Variants in PHACTR3 observed in about 807,000 individuals in gnomAD.
The protein encoded by PHACTR3 is protein phosphatase 1, regulatory subunit 123.
In PHACTR3, 16 loss-of-function variants were observed where a neutral mutation model predicts 66.8. The ratio of observed to expected loss-of-function variants is 0.24; its 90% CI spans 0.16 to 0.36. PHACTR3 has a LOEUF of 0.36. Among genes scored for constraint, PHACTR3 ranks in the 10% least tolerant of loss-of-function variants. The pLI is 1.00. For synonymous variants in PHACTR3, 323 were observed against 292.1 expected, an observed-to-expected ratio of 1.11 and a Z score of -1.08; for missense variants, 647 against 719.9, an observed-to-expected ratio of 0.90 and a Z score of 1.16.
chr20:59,791,651 A>G (rs548739674), intron 7 of PHACTR3, among the ~76,000 whole-genome samples: 3 of 150,634 alleles, frequency 2.0e-5, no homozygotes, highest in Admixed American at 2.0e-4. Flanking sequence ...GGTTTGTTAC[A>G]TATGTGTACA....
At chr20:59,733,439 C>T (rs2038839698) in intron 1 of PHACTR3, among the ~76,000 whole-genome samples, 1 of 152,198 alleles carries the variant, frequency 6.6e-6, no homozygotes, top group Non-Finnish European at 1.5e-5. Context: ...AGCCTGGCCA[C>T]AGGCAATTGG....
intron 7 of PHACTR3, among the ~76,000 whole-genome samples, chr20:59,804,943 A>G (rs2146994112): frequency 6.6e-6 from 1 of 152,320 alleles, no homozygotes; most frequent in South Asian, 2.1e-4. Context: ...ATCATATTGG[A>G]TAACAACTTG....
At chr20:59,760,564 C>T (rs896428467) in intron 4 of PHACTR3, among the ~76,000 whole-genome samples, 1 of 152,146 alleles carries the variant, frequency 6.6e-6, no homozygotes, top group African/African-American at 2.4e-5. Context: ...TTTTGTCTGC[C>T]ACCATGTAAG....
At chr20:59,785,155 G>A (rs2040863520) in intron 7 of PHACTR3, among the ~76,000 whole-genome samples, 1 of 152,242 alleles carries the variant, frequency 6.6e-6, no homozygotes, top group Non-Finnish European at 1.5e-5. Context: ...TGAAACGACA[G>A]ACGTTTGTTT....
chr20:59,812,467 C>T (rs950230089), intron 8 of PHACTR3, among the ~76,000 whole-genome samples: 28 of 152,194 alleles, frequency 1.8e-4, no homozygotes, highest in African/African-American at 6.0e-4. Context: ...CAGCGTGCAG[C>T]GAGTTTAGAC....
At chr20:59,589,713 A>G (rs1450560511) in intron 1 of PHACTR3, among the ~76,000 whole-genome samples, 1 of 152,254 alleles carries the variant, frequency 6.6e-6, no homozygotes, top group Non-Finnish European at 1.5e-5. Context: ...AAACGTCCAC[A>G]TTGAACTGGC....
upstream of PHACTR3, among the ~76,000 whole-genome samples, chr20:59,601,592 A>C (rs946361546): frequency 4.6e-5 from 7 of 152,210 alleles, no homozygotes; most frequent in Non-Finnish European, 1.0e-4. Flanking sequence ...AGATCCTCAC[A>C]GGGCTCAAGC....
At chr20:59,655,915 G>A (rs1445944963) in intron 1 of PHACTR3, among the ~76,000 whole-genome samples, 1 of 151,594 alleles carries the variant, frequency 6.6e-6, no homozygotes, top group Non-Finnish European at 1.5e-5. Context: ...TGGTTATTTA[G>A]GGCCATATTG....
upstream of PHACTR3, among the ~76,000 whole-genome samples, chr20:59,601,880 A>G (rs917818366): frequency 2.0e-5 from 3 of 152,230 alleles, no homozygotes; most frequent in Admixed American, 1.3e-4. Flanking sequence ...TCCCCACTCC[A>G]TGTGGGCTCC....
chr20:59,671,287 A>C (rs1013074659), intron 1 of PHACTR3, among the ~76,000 whole-genome samples: 2 of 152,198 alleles, frequency 1.3e-5, no homozygotes, highest in African/African-American at 2.4e-5. Flanking sequence ...GTGCGGCTCC[A>C]TGCTGGGTGA....
intron 1 of PHACTR3, among the ~76,000 whole-genome samples, chr20:59,622,992 A>AAAAAAAAAAAAAAC (rs1371507011): frequency 6.9e-6 from 1 of 145,170 alleles, no homozygotes. Context: ...AAAAAAAAAA[A>AAAAAAAAAAAAAAC]AAAAAAAAAC....
At chr20:59,592,693 A>G (rs557726506) in intron 1 of PHACTR3, among the ~76,000 whole-genome samples, 2 of 152,044 alleles carry the variant, frequency 1.3e-5, no homozygotes, top group South Asian at 2.1e-4. Flanking sequence ...TCATCTTTTT[A>G]TTGTCTCCAT....
chr20:59,638,427 A>G (rs903176559), intron 1 of PHACTR3, among the ~76,000 whole-genome samples: 2 of 146,124 alleles, frequency 1.4e-5, no homozygotes, highest in South Asian at 4.4e-4. Context: ...TGAATGGATG[A>G]TGGATGATGG....
intron 1 of PHACTR3, among the ~76,000 whole-genome samples, chr20:59,655,611 A>T (rs2035594880): frequency 6.6e-6 from 1 of 151,674 alleles, no homozygotes; most frequent in South Asian, 2.1e-4. Flanking sequence ...TCTTTATTTT[A>T]TTGATTTTCT....
chr20:59,641,324 C>T (rs2035096334), intron 1 of PHACTR3, among the ~76,000 whole-genome samples: 1 of 151,884 alleles, frequency 6.6e-6, no homozygotes, highest in Admixed American at 6.6e-5. Context: ...AGGAATTGGC[C>T]TATGTGTTGT....
rs544208452 is a variant in PHACTR3 at position 59,704,692 on chromosome 20, G to A, written c.119-38415G>A. Among the ~76,000 whole-genome samples the A allele has an allele frequency of 7.5e-5, 11 of 146,118 alleles. No homozygotes were observed. The South Asian group carries it at 2.4e-3, about 32-fold the overall frequency. On this transcript the variant is annotated intron_variant, in intron 1 of 12. Coordinates refer to ENST00000371015, the MANE Select transcript of PHACTR3 (RefSeq NM_080672.5). Reference sequence around the variant, plus strand: ...TTGTCTGGATCTGCCATGTCTTCATGTTAACTGTTTTGATAACTACAGCTT... The same window carrying A: ...TTGTCTGGATCTGCCATGTCTTCATATTAACTGTTTTGATAACTACAGCTT...
intron 1 of PHACTR3, among the ~76,000 whole-genome samples, chr20:59,675,557 G>C (rs2036425252): frequency 6.6e-6 from 1 of 152,192 alleles, no homozygotes; most frequent in Non-Finnish European, 1.5e-5. Flanking sequence ...GATGGTTATG[G>C]AGTAGGGGTC....
chr20:59,632,832 A>ACC (rs2034715310), intron 1 of PHACTR3, among the ~76,000 whole-genome samples: 1 of 152,162 alleles, frequency 6.6e-6, no homozygotes, highest in Non-Finnish European at 1.5e-5. Context: ...CTTTAAGTGC[A>ACC]TGCCCAGTCC....
At chr20:59,749,550 G>A (rs1231588719) in intron 3 of PHACTR3, among the ~76,000 whole-genome samples, 3 of 152,184 alleles carry the variant, frequency 2.0e-5, no homozygotes, top group African/African-American at 2.4e-5. Flanking sequence ...TCTGGCTTCC[G>A]TGCCTCTGAC....
Sources: gnomAD v4.1 joint callset for allele counts (sites outside exome capture counted in the v4.1 genomes callset) on GRCh38, gnomAD v4.1.1 for gene constraint, MANE v1.5 for transcripts, NCBI Gene and HGNC (gene_info 2026-07-23, HGNC 2026-07-21) for gene names.